The following CCDC68 variants were observed in gnomAD, a reference collection of about 807,000 sequenced individuals.
CCDC68 encodes the protein coiled-coil domain-containing protein 68.
In CCDC68, 45 loss-of-function variants were observed where a neutral mutation model predicts 47.1. The ratio of observed to expected loss-of-function variants is 0.96; its 90% CI spans 0.75 to 1.23. The LOEUF is 1.23. Among genes scored for constraint, CCDC68 ranks in the 50% most tolerant of loss-of-function variants. CCDC68 has a pLI of 0.00. For missense variants in CCDC68, 353 were observed against 373.6 expected (o/e 0.94, Z 0.45); for synonymous variants, 131 against 129.5 (o/e 1.01, Z -0.08).
chr18:54,959,304 G>C (rs1238538214), intron 1 of CCDC68, 32 bp downstream of exon 1: 1 of 152,342 alleles, frequency 6.6e-6, no homozygotes, highest in African/African-American at 2.4e-5. Context: ...GCGCCGCAGG[G>C]ACCGGGCCCG....
At chr18:54,952,211 C>A (rs1326015444) in intron 1 of CCDC68, among the ~76,000 whole-genome samples, 5 of 152,182 alleles carry the variant, frequency 3.3e-5, no homozygotes, top group African/African-American at 1.2e-4. Flanking sequence ...CTGAGTAACA[C>A]TTGCCAGTCA....
At chr18:54,924,481 A>G (rs1022763385) in intron 8 of CCDC68, among the ~76,000 whole-genome samples, 1 of 152,162 alleles carries the variant, frequency 6.6e-6, no homozygotes, top group African/African-American at 2.4e-5. Flanking sequence ...AGCCCCAACA[A>G]AAAGAGAAGA....
chr18:54,911,603 T>TATTA (rs756646072), intron 10 of CCDC68, among the ~76,000 whole-genome samples: 1 of 152,154 alleles, frequency 6.6e-6, no homozygotes, highest in Non-Finnish European at 1.5e-5. Flanking sequence ...AATATAAATC[T>TATTA]ATTATACACT....
At chr18:54,939,363 A>C (rs1416574944) in intron 4 of CCDC68, among the ~76,000 whole-genome samples, 1 of 152,132 alleles carries the variant, frequency 6.6e-6, no homozygotes, top group East Asian at 1.9e-4. Context: ...TGCTTTTCAA[A>C]CTTCAATGTG....
Position 54,941,135 on chromosome 18 carries a change from C to T in CCDC68, c.118-52G>A, listed in dbSNP as rs374296020. 2.3e-4 allele frequency: 289 copies of T among 1,260,596 alleles called. 1 individual carries two copies. In the African/African-American group the frequency reaches 3.9e-3, roughly 17 times the overall value. 78.1% of individuals were successfully genotyped at this position (1,260,596 alleles called of 1,614,324 possible). A position where few individuals can be genotyped will look rare whatever the true frequency, so the allele number is the denominator to read the frequency against. On this transcript the variant is annotated intron_variant, in intron 3 of 11. Coordinates refer to ENST00000591504, the MANE Select transcript of CCDC68 (RefSeq NM_025214.3). ...TTTCAAAGGCATTTAATGCCAAACG[C>T]TTTTTTTCTCAATACCAGTTACAGG... is the stretch of plus-strand genomic sequence containing the variant.
intron 8 of CCDC68, among the ~76,000 whole-genome samples, chr18:54,925,484 T>G (rs2044129335): frequency 6.6e-6 from 1 of 152,106 alleles, no homozygotes; most frequent in South Asian, 2.1e-4. Context: ...GAATGAAAAT[T>G]CCAGAAGAAG....
intron 5 of CCDC68, 68 bp from the exon 6 acceptor site, chr18:54,937,026 A>G (rs2044361753): frequency 6.6e-7 from 1 of 1,505,036 alleles, no homozygotes; most frequent in Non-Finnish European, 9.2e-7. Flanking sequence ...GAACAGTTTG[A>G]TGGGCAATTA....
At chr18:54,922,550 G>C (rs2044078612) in intron 8 of CCDC68, among the ~76,000 whole-genome samples, 1 of 152,136 alleles carries the variant, frequency 6.6e-6, no homozygotes, top group African/African-American at 2.4e-5. Context: ...AAGATGACTG[G>C]AGGATATAAA....
chr18:54,923,962 G>A (rs1481923391), intron 8 of CCDC68, among the ~76,000 whole-genome samples: 1 of 152,032 alleles, frequency 6.6e-6, no homozygotes, highest in Non-Finnish European at 1.5e-5. Context: ...GCCTCCCAAA[G>A]TGCTGGGATT....
intron 8 of CCDC68, 120 bp from the exon 9 acceptor site, chr18:54,919,496 C>G (rs1157775062): frequency 6.4e-6 from 5 of 786,802 alleles, no homozygotes; most frequent in Non-Finnish European, 1.1e-5. Context: ...TGGGTAAGAC[C>G]CCGGGGCCCC....
Position 54,936,905 on chromosome 18 carries a change from T to A in CCDC68, c.399A>T (p.Arg133Ser), listed in dbSNP as rs1490295612. 4 of 1,614,040 alleles carry A rather than the reference T, an allele frequency of 2.5e-6. No homozygotes were observed. The South Asian group carries it at 4.4e-5, about 18-fold the overall frequency. Residue 133 changes from arginine (R) to serine (S), a missense_variant, in exon 6 of 12, where the codon AGA (arginine) becomes AGT (serine). Arg to Ser is a moderately radical substitution (Grantham distance 110). Transcript: ENST00000591504. Reference protein sequence around the residue: ...GAAALRNVAQRLFENYQTQSE... With the variant: ...GAAALRNVAQSLFENYQTQSE... ...ATTGCGTTTGGTAGTTTTCAAATAA[T>A]CTCTGGGCCACGTTTCTCAGAGCTG...
intron 1 of CCDC68, among the ~76,000 whole-genome samples, chr18:54,951,610 A>G (rs752403276): frequency 6.6e-6 from 1 of 152,228 alleles, no homozygotes; most frequent in Non-Finnish European, 1.5e-5. Context: ...CCTCTGCTAC[A>G]TTCTGAAGGA....
At chr18:54,915,940 T>C (rs2043943611) in intron 10 of CCDC68, among the ~76,000 whole-genome samples, 1 of 151,944 alleles carries the variant, frequency 6.6e-6, no homozygotes, top group African/African-American at 2.4e-5. Context: ...AATATATATA[T>C]ATATATGAAA....
intron 10 of CCDC68, 81 bp from the exon 11 acceptor site, chr18:54,907,943 A>C (rs1599020386): frequency 2.5e-6 from 2 of 799,328 alleles, no homozygotes; most frequent in Admixed American, 1.9e-5. Flanking sequence ...TCAACCCAAC[A>C]CCTGCCTCAC....
chr18:54,932,997 C>CAAGTAAATATACCCCAGAACTCTGAG (rs1352343592), intron 7 of CCDC68, among the ~76,000 whole-genome samples: 1 of 152,214 alleles, frequency 6.6e-6, no homozygotes, highest in Non-Finnish European at 1.5e-5. Context: ...AGTAAACAGT[C>CAAGTAAATATACCCCAGAACTCTGAG]AAGTAAATAT....
chr18:54,944,060 C>T (rs533294730), intron 2 of CCDC68, among the ~76,000 whole-genome samples: 26 of 152,072 alleles, frequency 1.7e-4, no homozygotes, highest in African/African-American at 5.8e-4. Context: ...GGCTGAAGCA[C>T]AAGAATCACT....
chr18:54,929,140 T>C (rs1287250640), intron 7 of CCDC68, among the ~76,000 whole-genome samples: 2 of 152,182 alleles, frequency 1.3e-5, no homozygotes, highest in Non-Finnish European at 2.9e-5. Context: ...GCATTGCCCA[T>C]AGCCTGTTCA....
chr18:54,948,642 GCCA>G (rs1251738650), intron 1 of CCDC68, among the ~76,000 whole-genome samples: 1 of 152,222 alleles, frequency 6.6e-6, no homozygotes, highest in Non-Finnish European at 1.5e-5. Flanking sequence ...TTTACAGAAA[GCCA>G]CTGTGTTAGG....
intron 10 of CCDC68, among the ~76,000 whole-genome samples, chr18:54,915,447 T>C (rs2043928688): frequency 1.3e-5 from 2 of 152,224 alleles, no homozygotes; most frequent in African/African-American, 4.8e-5. Context: ...CAGTGCCATA[T>C]ATATTCTATA....
Sources: allele counts gnomAD v4.1 joint callset (sites outside exome capture counted in the v4.1 genomes callset), GRCh38; gene constraint gnomAD v4.1.1; transcripts MANE v1.5; gene names NCBI Gene and HGNC (gene_info 2026-07-23, HGNC 2026-07-21).